Variants in ARHGAP12 observed in about 807,000 individuals in gnomAD.
The protein encoded by ARHGAP12 is Rho GTPase activating protein 12.
In ARHGAP12, 64 loss-of-function variants were observed where a neutral mutation model predicts 108.6. The observed-to-expected ratio is 0.59, with a 90% CI of 0.48 to 0.73. The LOEUF (loss-of-function observed/expected upper bound fraction) is 0.73, where lower values mean the gene tolerates loss of function less well. Among genes scored for constraint, ARHGAP12 ranks in the 30% least tolerant of loss-of-function variants. The pLI is 0.00. For missense variants in ARHGAP12, 940 were observed against 1,005.9 expected (o/e 0.93, Z 0.89); for synonymous variants, 312 against 337.2 (o/e 0.93, Z 0.82).
intron 1 of ARHGAP12, among the ~76,000 whole-genome samples, chr10:31,927,489 G>A (rs1000374307): frequency 6.6e-6 from 1 of 152,092 alleles, no homozygotes; most frequent in Non-Finnish European, 1.5e-5. Context: ...ATCAGAACCC[G>A]AGTGAGCCTT....
rs1441254031 is a variant in ARHGAP12 at position 31,809,374 on chromosome 10, T to C, written c.2051-67A>G. The C allele has an allele frequency of 1.3e-5, 18 of 1,404,548 alleles. No homozygotes were observed. The Admixed American group carries it at 1.5e-4, about 12-fold the overall frequency. 87.0% of individuals were successfully genotyped at this position (1,404,548 alleles called of 1,614,324 possible). A position where few individuals can be genotyped will look rare whatever the true frequency, so the allele number is the denominator to read the frequency against. On this transcript the variant is annotated intron_variant, in intron 16 of 19. Transcript: ENST00000344936. ...ACTTCTTTGCCTCTTCTGAACACGT[T>C]TGCATGTGTCAGAATTCCCACTCAT...
chr10:31,913,840 AC>A (rs1839452148), intron 1 of ARHGAP12: 1 of 152,228 alleles, frequency 6.6e-6, no homozygotes, highest in Non-Finnish European at 1.5e-5. Context: ...TTCAAACTGT[AC>A]AGTGTCTTTT....
chr10:31,926,891 A>C (rs1840070561), intron 1 of ARHGAP12, among the ~76,000 whole-genome samples: 1 of 152,248 alleles, frequency 6.6e-6, no homozygotes, highest in South Asian at 2.1e-4. Flanking sequence ...CAATGTATTG[A>C]TAATTATATA....
intron 9 of ARHGAP12, among the ~76,000 whole-genome samples, chr10:31,837,942 T>C (rs1379290351): frequency 2.0e-5 from 3 of 152,210 alleles, no homozygotes; most frequent in East Asian, 1.9e-4. Context: ...CCTGCTCTAA[T>C]GAAGCTTTAC....
intron 1 of ARHGAP12, among the ~76,000 whole-genome samples, chr10:31,924,365 T>C (rs1196150233): frequency 1.3e-5 from 2 of 152,136 alleles, no homozygotes; most frequent in African/African-American, 2.4e-5. Context: ...AAAAGATCCT[T>C]GTAAGAACGG....
At chr10:31,812,665 AGG>A in intron 15 of ARHGAP12, 40 bp downstream of exon 15, 10 of 1,162,198 alleles carry the variant, frequency 8.6e-6, no homozygotes, top group South Asian at 1.4e-5. Flanking sequence ...TTTATGACGT[AGG>A]CCAACATTCA....
intron 1 of ARHGAP12, among the ~76,000 whole-genome samples, chr10:31,924,389 G>GA (rs1365945227): frequency 2.0e-5 from 3 of 151,808 alleles, no homozygotes; most frequent in African/African-American, 4.8e-5. Flanking sequence ...GAGAAAACAC[G>GA]AAAAAAAGCA....
chr10:31,889,619 G>GTTTTTTTTTTTTTTTTTTTT (rs869116452), intron 3 of ARHGAP12, among the ~76,000 whole-genome samples: 1 of 66,422 alleles, frequency 1.5e-5, no homozygotes, highest in Non-Finnish European at 2.6e-5. Flanking sequence ...AATTTTTCTC[G>GTTTTTTTTTTTTTTTTTTTT]TTTTTTTTTT....
intron 3 of ARHGAP12, among the ~76,000 whole-genome samples, chr10:31,890,740 C>G (rs1488988181): frequency 2.0e-5 from 3 of 152,124 alleles, no homozygotes; most frequent in African/African-American, 7.2e-5. Flanking sequence ...TCAGTACCAT[C>G]TATGTAGAAA....
At chr10:31,893,855 A>C (rs927282362) in intron 3 of ARHGAP12, among the ~76,000 whole-genome samples, 1 of 152,230 alleles carries the variant, frequency 6.6e-6, no homozygotes, top group African/African-American at 2.4e-5. Flanking sequence ...TCAATAAAAT[A>C]CTGGCAAACC....
intron 3 of ARHGAP12, among the ~76,000 whole-genome samples, chr10:31,864,453 C>A (rs917450351): frequency 2.4e-4 from 36 of 152,136 alleles, no homozygotes; most frequent in African/African-American, 7.2e-4. Flanking sequence ...ATAAAACCAA[C>A]TTCATAAACA....
intron 1 of ARHGAP12, among the ~76,000 whole-genome samples, chr10:31,925,793 T>C (rs1374376331): frequency 1.3e-5 from 2 of 152,174 alleles, no homozygotes; most frequent in Admixed American, 6.5e-5. Context: ...CAGTCACTAG[T>C]CAAATGTGCC....
chr10:31,808,325 GA>G (rs1834896688), intron 19 of ARHGAP12: 1 of 181,088 alleles, frequency 5.5e-6, no homozygotes, highest in Non-Finnish European at 1.1e-5. Flanking sequence ...TAGTAACCTA[GA>G]ACCATGACGG....
chr10:31,848,763 TTATTA>T (rs960052328), intron 6 of ARHGAP12, among the ~76,000 whole-genome samples: 49 of 152,320 alleles, frequency 3.2e-4, no homozygotes, highest in African/African-American at 1.1e-3. Flanking sequence ...TTTTAAGCCT[TTATTA>T]AATTATTAAG....
chr10:31,888,030 G>T (rs930363658), intron 3 of ARHGAP12, among the ~76,000 whole-genome samples: 6 of 152,114 alleles, frequency 3.9e-5, no homozygotes, highest in African/African-American at 1.4e-4. Flanking sequence ...TTTCAGTGGT[G>T]AACTATAATA....
intron 14 of ARHGAP12, among the ~76,000 whole-genome samples, chr10:31,813,250 C>A (rs1835084185): frequency 6.6e-6 from 1 of 151,928 alleles, no homozygotes; most frequent in Admixed American, 6.6e-5. Flanking sequence ...AATAAGAAAA[C>A]TGGATATACA....
chr10:31,893,120 T>C (rs1838525352), intron 3 of ARHGAP12, among the ~76,000 whole-genome samples: 2 of 152,320 alleles, frequency 1.3e-5, no homozygotes, highest in South Asian at 2.1e-4. Flanking sequence ...GGGAAATTTA[T>C]AGCACTAAAT....
In ARHGAP12 at chr10:31,807,548, T is replaced by G; in HGVS notation, c.*110A>C. 9.2e-7 allele frequency: 1 copy of G among 1,085,890 alleles called. No homozygotes were observed. The highest frequency in any genetic ancestry group is 1.8e-5 in the South Asian group (1 of 54,478). The allele number at this position is 1,085,890 out of a possible 1,614,324, so 67.3% of individuals were successfully genotyped here. A position where few individuals can be genotyped will look rare whatever the true frequency, so the allele number is the denominator to read the frequency against. On this transcript the variant is annotated 3_prime_UTR_variant, in exon 20 of 20. Coordinates refer to ENST00000344936, the MANE Select transcript of ARHGAP12 (RefSeq NM_018287.7). ...CCCTTCTGATCCCTCAAAAAAAAAG[T>G]GCAAAATCAAAGAGTCACTGCTTGG...
chr10:31,884,157 C>A (rs1388730560), intron 3 of ARHGAP12, among the ~76,000 whole-genome samples: 2 of 147,410 alleles, frequency 1.4e-5, no homozygotes, highest in African/African-American at 5.0e-5. Context: ...TCTTTCCAAA[C>A]TGACATAAAT....
Sources: allele counts gnomAD v4.1 joint callset (sites outside exome capture counted in the v4.1 genomes callset), GRCh38; gene constraint gnomAD v4.1.1; transcripts MANE v1.5; gene names NCBI Gene and HGNC (gene_info 2026-07-23, HGNC 2026-07-21).